Variants in PTPRC observed in about 807,000 individuals in gnomAD.
PTPRC encodes protein tyrosine phosphatase receptor type C.
A neutral mutation model predicts 155.9 loss-of-function variants in PTPRC; 44 were observed. The observed-to-expected ratio is 0.28, with a 90% confidence interval of 0.22 to 0.36. The LOEUF is 0.36. Ranked by LOEUF, PTPRC falls within the 10% of genes least tolerant of loss-of-function variation. The pLI, the probability that PTPRC is intolerant of heterozygous loss-of-function variation, is 1.00. For missense variants in PTPRC, 1,401 were observed against 1,564.6 expected, an observed-to-expected ratio of 0.90 and a Z score of 1.76; for synonymous variants, 525 against 533.1, an observed-to-expected ratio of 0.98 and a Z score of 0.21.
Position 198,706,968 on chromosome 1 carries a change from T to C in PTPRC, c.904+16T>C. 6.4e-7 allele frequency: 1 copy of C among 1,558,588 alleles called. No individual in the cohort carries two copies. Among genetic ancestry groups the C allele is most frequent in the Non-Finnish European group, 8.8e-7 (1 of 1,130,482 alleles). On this transcript the variant is annotated intron_variant, in intron 9 of 32. Transcript: ENST00000442510. ...GTGCCACCAGGTAAATATCAATTTA[T>C]TTCTTTTAATAAATTTATAAAAACA...
intron 22 of PTPRC, among the ~76,000 whole-genome samples, 153 bp downstream of exon 22, chr1:198,734,578 C>T (rs375823917): frequency 6.6e-6 from 1 of 151,812 alleles, no homozygotes; most frequent in African/African-American, 2.4e-5. Context: ...AATTTTCATA[C>T]ATGTAGAAAA....
intron 15 of PTPRC, among the ~76,000 whole-genome samples, chr1:198,724,283 A>G (rs1315954421): frequency 6.6e-6 from 1 of 152,200 alleles, no homozygotes; most frequent in East Asian, 1.9e-4. Context: ...GCTAGGGTAC[A>G]GCTACTAGGG....
chr1:198,663,267 T>C (rs1664087394), intron 2 of PTPRC, among the ~76,000 whole-genome samples: 1 of 152,242 alleles, frequency 6.6e-6, no homozygotes, highest in African/African-American at 2.4e-5. Flanking sequence ...AGTGCGTTAA[T>C]GGAGCCAAAC....
At chr1:198,735,319 A>G in intron 23 of PTPRC, 67 bp downstream of exon 23, 1 of 1,297,264 alleles carries the variant, frequency 7.7e-7, no homozygotes, top group Non-Finnish European at 1.1e-6. Flanking sequence ...ATGGAATATT[A>G]AAAGTGAGAA....
intron 3 of PTPRC, chr1:198,694,576 C>A (rs1666100647): frequency 1.0e-6 from 1 of 987,112 alleles, no homozygotes; most frequent in Non-Finnish European, 1.2e-6. Context: ...TGAAACATTT[C>A]TCTCAAAGCA....
intron 2 of PTPRC, among the ~76,000 whole-genome samples, chr1:198,676,113 T>C (rs2102310296): frequency 6.6e-6 from 1 of 152,374 alleles, no homozygotes; most frequent in South Asian, 2.1e-4. Flanking sequence ...TGTTGTTGTT[T>C]TAATAACTAA....
Position 198,718,225 on chromosome 1 carries a change from C to T in PTPRC, c.1582C>T (p.Leu528=). The change falls in exon 14 of 33, where the codon CTG becomes TTG. Residue 528 remains leucine (L), a synonymous_variant. Coordinates refer to ENST00000442510, the MANE Select transcript of PTPRC (RefSeq NM_002838.5). The part of the protein sequence containing the change: ...YHLEVEAGNT[L]VRNESHKNCD... ...TTTGGAAGTTGAAGCTGGAAATACTCTGGTTAGAAATGAGTCGCATAAGAA... is the reference window on the plus strand; with the variant it reads ...TTTGGAAGTTGAAGCTGGAAATACTTTGGTTAGAAATGAGTCGCATAAGAA... 6.2e-7 allele frequency: 1 copy of T among 1,614,092 alleles called. No homozygotes were observed. The highest frequency in any genetic ancestry group is 8.5e-7 in the Non-Finnish European group (1 of 1,179,994).
In PTPRC at chr1:198,747,028, A is replaced by G. The variant is rs142433441; in HGVS notation, c.2848-1081A>G. ...CACGTATCTACATGCGTGTGTGTGT[A>G]TATAAAATCTTACCGAATTGTACAT... On this transcript the variant is annotated intron_variant, in intron 26 of 32. Coordinates refer to ENST00000442510, the MANE Select transcript of PTPRC (RefSeq NM_002838.5). Among the ~76,000 whole-genome samples, 1,091 of 151,940 alleles carry G rather than the reference A, an allele frequency of 7.2e-3. 7 individuals are homozygous for G. Among genetic ancestry groups the G allele is most frequent in the Middle Eastern group, 0.01 (3 of 294 alleles).
chr1:198,731,766 C>A, intron 18 of PTPRC, 40 bp downstream of exon 18: 1 of 1,428,780 alleles, frequency 7.0e-7, no homozygotes, highest in Non-Finnish European at 9.9e-7. Context: ...AATTCGACAT[C>A]AAGACAGTTC....
At chr1:198,662,632 G>A (rs547020170) in intron 2 of PTPRC, among the ~76,000 whole-genome samples, 3 of 152,116 alleles carry the variant, frequency 2.0e-5, no homozygotes, top group South Asian at 4.2e-4. Flanking sequence ...AAAGTAATTA[G>A]GAATATTGAA....
intron 26 of PTPRC, among the ~76,000 whole-genome samples, chr1:198,745,648 G>A (rs1387016908): frequency 1.3e-5 from 2 of 151,784 alleles, no homozygotes; most frequent in Non-Finnish European, 2.9e-5. Flanking sequence ...TAGTCAGTTG[G>A]TTGTATTGTT....
At chr1:198,727,903 T>A (rs1162631258) in intron 15 of PTPRC, among the ~76,000 whole-genome samples, 5 of 152,170 alleles carry the variant, frequency 3.3e-5, no homozygotes, top group African/African-American at 1.2e-4. Context: ...TTTATCTTTG[T>A]GAAGTAGAAG....
In PTPRC at chr1:198,702,515, A is replaced by C. The variant is rs1666513355; in HGVS notation, c.568A>C (p.Thr190Pro). Residue 190 changes from threonine to proline, a missense_variant, in exon 6 of 33, where the codon ACA becomes CCA. Physicochemically the swap from Thr to Pro is conservative, Grantham distance 38. Coordinates refer to ENST00000442510, the MANE Select transcript of PTPRC (RefSeq NM_002838.5). ...LPARTSNTTI[T>P]ANTSDAYLNA... ...TGCACGCACCTCCAACACCACCATC[A>C]CAGCGAACACCTCAGGTCTGACTAT... The C allele has an allele frequency of 6.2e-7, 1 of 1,614,162 alleles. No homozygotes were observed. Among genetic ancestry groups the C allele is most frequent in the Admixed American group, 1.7e-5 (1 of 60,014 alleles).
At chr1:198,729,081 C>T in intron 16 of PTPRC, 56 bp from the exon 17 acceptor site, 1 of 1,573,656 alleles carries the variant, frequency 6.4e-7, no homozygotes, top group Non-Finnish European at 8.7e-7. Context: ...AGTAAAATAC[C>T]AATTGAATTT....
chr1:198,697,006 T>C, intron 4 of PTPRC, 97 bp downstream of exon 4: 2 of 1,133,212 alleles, frequency 1.8e-6, no homozygotes, highest in Non-Finnish European at 1.3e-6. Flanking sequence ...ATTTGCACAG[T>C]TTCTAAGTAT....
rs2102485859 is a variant in PTPRC, at chr1:198,732,568, T to A, written c.2142+12T>A. 1.9e-6 allele frequency: 3 copies of A among 1,598,130 alleles called. No individual in the cohort carries two copies. Among genetic ancestry groups the A allele is most frequent in the Non-Finnish European group, 2.6e-6 (3 of 1,168,924 alleles). Reference sequence around the variant, plus strand: ...CCAGCTATATTGATGTGAGTAAAAATTTGCATTTTTCTTATACCTACATAT... The same window carrying A: ...CCAGCTATATTGATGTGAGTAAAAAATTGCATTTTTCTTATACCTACATAT... On this transcript the variant is annotated intron_variant, in intron 20 of 32. Transcript: ENST00000442510.
chr1:198,684,614 C>T (rs1286645836), intron 2 of PTPRC, among the ~76,000 whole-genome samples: 1 of 151,876 alleles, frequency 6.6e-6, no homozygotes, highest in African/African-American at 2.4e-5. Context: ...ACTCTCCCCT[C>T]CCTTGATATT....
At chr1:198,729,956 C>T (rs183012186) in intron 17 of PTPRC, among the ~76,000 whole-genome samples, 1 of 152,110 alleles carries the variant, frequency 6.6e-6, no homozygotes, top group African/African-American at 2.4e-5. Context: ...TCCTCAAGTC[C>T]CTGCCAGGGT....
chr1:198,691,950 T>C (rs781414571), intron 2 of PTPRC, among the ~76,000 whole-genome samples: 1 of 152,082 alleles, frequency 6.6e-6, no homozygotes, highest in Non-Finnish European at 1.5e-5. Flanking sequence ...TCATATTATA[T>C]CCCTAGCATG....
Sources: allele counts gnomAD v4.1 joint callset (sites outside exome capture counted in the v4.1 genomes callset), GRCh38; gene constraint gnomAD v4.1.1; transcripts MANE v1.5; gene names NCBI Gene and HGNC (gene_info 2026-07-23, HGNC 2026-07-21).